Variants in NRXN3 observed in about 807,000 individuals in gnomAD.
The protein encoded by NRXN3 is neurexin III.
Under a neutral mutation model 137.6 loss-of-function variants are expected in NRXN3, and 32 were observed. The observed-to-expected ratio is 0.23, with a 90% CI of 0.18 to 0.31. NRXN3 has a LOEUF of 0.31. Ranked by LOEUF, NRXN3 falls within the 10% of genes least tolerant of loss-of-function variation. NRXN3 has a pLI of 1.00. For missense variants in NRXN3, 1,574 were observed against 2,062.5 expected, an observed-to-expected ratio of 0.76 and a Z score of 4.59; for synonymous variants, 798 against 784.5, an observed-to-expected ratio of 1.02 and a Z score of -0.29.
At chr14:78,540,435 C>CTTT (rs537566835) in intron 4 of NRXN3, among the ~76,000 whole-genome samples, 2,851 of 116,426 alleles carry the variant, frequency 0.024, 86 homozygotes, top group African/African-American at 0.05. Flanking sequence ...GCAACCCCTG[C>CTTT]TTTTTTTTTT....
At chr14:79,807,626 G>T (rs1481078318) in intron 20 of NRXN3, among the ~76,000 whole-genome samples, 1 of 152,156 alleles carries the variant, frequency 6.6e-6, no homozygotes, top group East Asian at 1.9e-4. Flanking sequence ...GAATAACATG[G>T]GGTGGGTGGG....
intron 19 of NRXN3, among the ~76,000 whole-genome samples, chr14:79,701,144 T>C (rs980561508): frequency 2.0e-5 from 3 of 152,042 alleles, no homozygotes; most frequent in Non-Finnish European, 4.4e-5. Flanking sequence ...TATTTTTCAG[T>C]AGTAAGGCTA....
intron 20 of NRXN3, among the ~76,000 whole-genome samples, chr14:79,841,359 G>T (rs1168502416): frequency 2.0e-5 from 3 of 152,136 alleles, no homozygotes; most frequent in Non-Finnish European, 4.4e-5. Context: ...AAAACAGGTT[G>T]GAATGTCCAG....
chr14:79,582,396 T>TTTTG, intron 16 of NRXN3, among the ~76,000 whole-genome samples: 1 of 152,174 alleles, frequency 6.6e-6, no homozygotes, highest in East Asian at 1.9e-4. Flanking sequence ...TTTTGTTTGG[T>TTTTG]TTTGTTTATA....
chr14:79,776,163 T>C (rs117556367), intron 19 of NRXN3, among the ~76,000 whole-genome samples: 4 of 152,198 alleles, frequency 2.6e-5, no homozygotes, highest in African/African-American at 9.6e-5. Flanking sequence ...ATTACTTCTC[T>C]CCACTGTTAC....
intron 15 of NRXN3, among the ~76,000 whole-genome samples, chr14:79,242,755 G>T (rs530713788): frequency 6.6e-6 from 1 of 152,158 alleles, no homozygotes; most frequent in Non-Finnish European, 1.5e-5. Context: ...GTCAGATTCT[G>T]CTGGGACTGC....
chr14:78,296,416 A>C (rs1325864672), intron 3 of NRXN3, among the ~76,000 whole-genome samples: 1 of 151,726 alleles, frequency 6.6e-6, no homozygotes, highest in Non-Finnish European at 1.5e-5. Context: ...CTTGCCACAT[A>C]CTCCAACAGA....
At chr14:79,479,477 CATAGAT>C (rs1486503107) in intron 16 of NRXN3, among the ~76,000 whole-genome samples, 1 of 151,800 alleles carries the variant, frequency 6.6e-6, no homozygotes, top group African/African-American at 2.4e-5. Flanking sequence ...TTTTCAGTGT[CATAGAT>C]ATAGATATAT....
At position 78,473,318 on chromosome 14, in the gene NRXN3, C is replaced by T. The variant is rs963939224; in HGVS notation, c.758-171802C>T. ...TCGGGAGGCTGAGGCAGGAGAATGG[C>T]GTGAACCTGGGAGGTGGAGCTTGCA... is the stretch of plus-strand genomic sequence containing the variant. On this transcript the variant is annotated intron_variant, in intron 4 of 20. Coordinates refer to ENST00000335750, the MANE Select transcript of NRXN3 (RefSeq NM_001330195.2). 6.6e-5 allele frequency among the ~76,000 whole-genome samples: 10 copies of T among 150,678 alleles called. No homozygotes were observed. The South Asian group carries it at 1.1e-3, about 16-fold the overall frequency.
chr14:78,542,030 T>C (rs2096594576), intron 4 of NRXN3, among the ~76,000 whole-genome samples: 1 of 152,188 alleles, frequency 6.6e-6, no homozygotes, highest in South Asian at 2.1e-4. Flanking sequence ...GCTGCCTGAT[T>C]CTTCCTCTGG....
intron 16 of NRXN3, among the ~76,000 whole-genome samples, chr14:79,602,944 G>C (rs1349825847): frequency 6.6e-6 from 1 of 151,990 alleles, no homozygotes. Context: ...TTATTCCGTG[G>C]GCTGCTCACC....
intron 4 of NRXN3, among the ~76,000 whole-genome samples, chr14:78,545,785 T>C (rs149767672): frequency 9.5e-4 from 145 of 152,206 alleles, no homozygotes; most frequent in Non-Finnish European, 1.9e-3. Flanking sequence ...TGCAATCTCT[T>C]TTTCCTCTTT....
At chr14:78,730,624 A>G (rs898184742) in intron 8 of NRXN3, among the ~76,000 whole-genome samples, 5 of 152,178 alleles carry the variant, frequency 3.3e-5, no homozygotes, top group African/African-American at 1.2e-4. Flanking sequence ...TACCTAGATA[A>G]GTGGTATCTG....
At chr14:78,579,779 C>G (rs936780352) in intron 4 of NRXN3, among the ~76,000 whole-genome samples, 2 of 152,136 alleles carry the variant, frequency 1.3e-5, no homozygotes, top group Non-Finnish European at 2.9e-5. Context: ...CTCATTGCCA[C>G]AGTCTGCACC....
intron 4 of NRXN3, among the ~76,000 whole-genome samples, chr14:78,447,632 A>C (rs948985541): frequency 6.6e-6 from 1 of 152,218 alleles, no homozygotes; most frequent in African/African-American, 2.4e-5. Context: ...ACAGTCCTGA[A>C]ATCTCAACAT....
chr14:78,355,880 A>C (rs183727087), intron 4 of NRXN3, among the ~76,000 whole-genome samples: 121 of 152,344 alleles, frequency 7.9e-4, no homozygotes, highest in Non-Finnish European at 1.4e-3. Flanking sequence ...GAAAAGGGCT[A>C]GCTCCAGCTG....
intron 1 of NRXN3, among the ~76,000 whole-genome samples, chr14:78,215,126 C>A (rs2063124736): frequency 6.6e-6 from 1 of 152,118 alleles, no homozygotes; most frequent in Admixed American, 6.5e-5. Flanking sequence ...TTCAAAGAAG[C>A]CTAAACCCAC....
At chr14:78,379,459 G>C (rs928451201) in intron 4 of NRXN3, among the ~76,000 whole-genome samples, 9 of 152,140 alleles carry the variant, frequency 5.9e-5, no homozygotes, top group Admixed American at 5.2e-4. Flanking sequence ...ATCTGGCTCA[G>C]CATTCAAAAA....
At chr14:78,913,137 C>T (rs2099243957) in intron 10 of NRXN3, among the ~76,000 whole-genome samples, 1 of 152,052 alleles carries the variant, frequency 6.6e-6, no homozygotes, top group South Asian at 2.1e-4. Flanking sequence ...AAGACAAGTA[C>T]AGGTCGGAAA....
Sources: gnomAD v4.1 joint callset for allele counts (sites outside exome capture counted in the v4.1 genomes callset) on GRCh38, gnomAD v4.1.1 for gene constraint, MANE v1.5 for transcripts, NCBI Gene and HGNC (gene_info 2026-07-23, HGNC 2026-07-21) for gene names.